The following PLCH1 variants were observed in gnomAD, a reference collection of about 807,000 sequenced individuals.
PLCH1 encodes the protein phospholipase C eta 1, also known as 1-phosphatidylinositol 4,5-bisphosphate phosphodiesterase eta-1.
PLCH1 carries 60 observed loss-of-function variants against 126.7 expected under a neutral mutation model. That is an observed-to-expected ratio of 0.47 (90% CI 0.38 to 0.59). The LOEUF is 0.59. Among genes scored for constraint, PLCH1 ranks in the 20% least tolerant of loss-of-function variants. The probability of loss-of-function intolerance (pLI) is 0.00; values close to 1 mark genes in which losing one functional copy is unlikely to be tolerated. For missense variants in PLCH1, 1,723 were observed against 2,040.0 expected (o/e 0.84, Z 2.99); for synonymous variants, 719 against 734.9 (o/e 0.98, Z 0.35).
At chr3:155,528,845 T>C (rs1253084738) in intron 10 of PLCH1, among the ~76,000 whole-genome samples, 3 of 152,186 alleles carry the variant, frequency 2.0e-5, no homozygotes, top group Non-Finnish European at 4.4e-5. Context: ...AAGAAGAAGC[T>C]GCCTCTCAGA....
At position 155,482,646 on chromosome 3, in the gene PLCH1, A is replaced by G. The variant is rs769405848; in HGVS notation, c.3380T>C (p.Ile1127Thr). 2 of 1,614,128 alleles carry G rather than the reference A, an allele frequency of 1.2e-6. No individual in the cohort carries two copies. The highest frequency in any genetic ancestry group is 2.2e-5 in the South Asian group (2 of 91,076). ...GSVLSHSNLE[I>T]KNLEGNRGKG... ...ACCCCTATTACCTTCCAGGTTCTTA[A>G]TTTCTAGGTTGCTATGAGAAAGGAC... The change falls in exon 23 of 23, where the codon ATT becomes ACT. Residue 1127 changes from isoleucine to threonine, a missense_variant. This residue lies in a region of PLCH1 where 947 missense variants were observed against 977.1 expected (regional missense o/e 0.97). Coordinates refer to ENST00000460012, the MANE Select transcript of PLCH1 (RefSeq NM_014996.4).
intron 9 of PLCH1, among the ~76,000 whole-genome samples, chr3:155,550,861 A>G (rs1726014591): frequency 6.6e-6 from 1 of 152,202 alleles, no homozygotes; most frequent in African/African-American, 2.4e-5. Flanking sequence ...CCAGGCTTTC[A>G]TGACAAGCAC....
At chr3:155,666,746 A>G (rs111950882) in intron 2 of PLCH1, among the ~76,000 whole-genome samples, 11 of 152,184 alleles carry the variant, frequency 7.2e-5, no homozygotes, top group Non-Finnish European at 1.3e-4. Flanking sequence ...TCACACCTTT[A>G]TCATATGCTT....
chr3:155,464,210 T>C (rs570502965), intron 21 of PLCH1, among the ~76,000 whole-genome samples: 1 of 152,206 alleles, frequency 6.6e-6, no homozygotes, highest in South Asian at 2.1e-4. Flanking sequence ...AGGATGCATC[T>C]TGAAGAATGC....
chr3:155,737,156 C>T (rs1488986625), intron 1 of PLCH1, among the ~76,000 whole-genome samples: 3 of 133,672 alleles, frequency 2.2e-5, no homozygotes, highest in Non-Finnish European at 4.7e-5. Context: ...CGCATGAATC[C>T]GGAAAGCGGA....
At chr3:155,659,922 C>T (rs1467498862) in intron 2 of PLCH1, among the ~76,000 whole-genome samples, 1 of 152,174 alleles carries the variant, frequency 6.6e-6, no homozygotes, top group African/African-American at 2.4e-5. Flanking sequence ...GCATAAGCCA[C>T]CACGCCCAGC....
intron 9 of PLCH1, 36 bp downstream of exon 9, chr3:155,554,040 G>A (rs376332775): frequency 3.7e-6 from 6 of 1,607,276 alleles, no homozygotes; most frequent in Non-Finnish European, 5.1e-6. Context: ...CCATGCGGGA[G>A]GCTACCGCTT....
At chr3:155,557,652 G>A (rs893056849) in intron 8 of PLCH1, among the ~76,000 whole-genome samples, 3 of 152,152 alleles carry the variant, frequency 2.0e-5, no homozygotes, top group Non-Finnish European at 2.9e-5. Flanking sequence ...TGCTAATGCT[G>A]TAAATGGGAA....
chr3:155,539,214 A>G (rs529654514), intron 10 of PLCH1, among the ~76,000 whole-genome samples: 1 of 152,290 alleles, frequency 6.6e-6, no homozygotes, highest in African/African-American at 2.4e-5. Flanking sequence ...TCTCTTTATG[A>G]TTAAAACCCT....
At chr3:155,487,279 A>G (rs1165726076) in intron 21 of PLCH1, among the ~76,000 whole-genome samples, 1 of 152,210 alleles carries the variant, frequency 6.6e-6, no homozygotes, top group Admixed American at 6.5e-5. Flanking sequence ...ACATTCACAG[A>G]TGAGGAAGCT....
chr3:155,544,607 C>CA (rs1318214206), intron 10 of PLCH1, among the ~76,000 whole-genome samples: 6 of 152,166 alleles, frequency 3.9e-5, no homozygotes, highest in South Asian at 2.1e-4. Flanking sequence ...CCACACCACA[C>CA]CTATTCCAAA....
chr3:155,487,909 T>C (rs1715510458), intron 21 of PLCH1, 119 bp downstream of exon 21: 2 of 659,212 alleles, frequency 3.0e-6, no homozygotes, highest in Middle Eastern at 7.9e-4. Flanking sequence ...TGGGCCTCCT[T>C]AGAGTTTTTG....
chr3:155,705,046 C>CT (rs1463625851), intron 1 of PLCH1, among the ~76,000 whole-genome samples: 2 of 152,176 alleles, frequency 1.3e-5, no homozygotes, highest in Non-Finnish European at 2.9e-5. Context: ...GCTAAAGCAA[C>CT]TTTTCAGAAT....
At chr3:155,657,733 C>A (rs6808225) in intron 2 of PLCH1, 1 of 152,052 alleles carries the variant, frequency 6.6e-6, no homozygotes, top group Non-Finnish European at 1.5e-5. Flanking sequence ...ATATAGTAAA[C>A]AATACCTTGC....
chr3:155,670,209 AT>A (rs140201370), intron 2 of PLCH1, among the ~76,000 whole-genome samples: 7,143 of 152,324 alleles, frequency 0.047, 231 homozygotes, highest in Middle Eastern at 0.11. Context: ...GCAAAGAGAA[AT>A]TATAAAAGAG....
In PLCH1 at chr3:155,678,351, G is replaced by A. The variant is rs375409911; in HGVS notation, c.79+25795C>T. ...TTGAGGGCCAAGCCACTTACCCAGG[G>A]GGAGCACATAGCAGCTTCATAGGGC... is the stretch of plus-strand genomic sequence containing the variant. On this transcript the variant is annotated intron_variant, in intron 2 of 22. Coordinates refer to ENST00000460012, the MANE Select transcript of PLCH1 (RefSeq NM_014996.4). 9.4e-3 allele frequency among the ~76,000 whole-genome samples: 1,426 copies of A among 152,244 alleles called. 18 individuals carry two copies. The highest frequency in any genetic ancestry group is 0.01 in the Non-Finnish European group (695 of 68,014).
intron 2 of PLCH1, among the ~76,000 whole-genome samples, chr3:155,651,092 A>G (rs1169990672): frequency 2.0e-5 from 3 of 152,254 alleles, no homozygotes; most frequent in African/African-American, 7.2e-5. Context: ...GCTGGATTTA[A>G]AAGGCTGACA....
chr3:155,559,749 A>T (rs924881030), intron 8 of PLCH1, among the ~76,000 whole-genome samples: 1 of 152,192 alleles, frequency 6.6e-6, no homozygotes, highest in South Asian at 2.1e-4. Flanking sequence ...CCTTTTGGAC[A>T]TACAGAGCCA....
intron 1 of PLCH1, among the ~76,000 whole-genome samples, chr3:155,733,333 T>C (rs957089416): frequency 3.3e-5 from 5 of 152,042 alleles, no homozygotes; most frequent in Admixed American, 1.3e-4. Context: ...CACAAAGCTA[T>C]AGTATTCAAA....
Sources: gnomAD v4.1 joint callset for allele counts (sites outside exome capture counted in the v4.1 genomes callset) on GRCh38, gnomAD v4.1.1 for gene constraint, gnomAD v4.1.1 regional missense constraint, MANE v1.5 for transcripts, NCBI Gene and HGNC (gene_info 2026-07-23, HGNC 2026-07-21) for gene names.